Variants in ATG10 observed in about 807,000 individuals in gnomAD.
ATG10 encodes the protein ubiquitin-like-conjugating enzyme ATG10.
A neutral mutation model predicts 32.1 loss-of-function variants in ATG10; 30 were observed. The observed-to-expected ratio is 0.94, with a 90% CI of 0.70 to 1.27. ATG10 has a LOEUF of 1.27. Ranked by LOEUF, ATG10 falls within the 50% of genes most tolerant of loss-of-function variation. ATG10 has a pLI of 0.00. For missense variants in ATG10, 233 were observed against 262.3 expected (o/e 0.89, Z 0.77); for synonymous variants, 87 against 91.5 (o/e 0.95, Z 0.28).
chr5:82,086,352 T>C (rs1362853439), intron 3 of ATG10, among the ~76,000 whole-genome samples: 1 of 152,062 alleles, frequency 6.6e-6, no homozygotes, highest in African/African-American at 2.4e-5. Flanking sequence ...AAAATTACAA[T>C]AAAATTAACA....
chr5:82,197,626 C>A (rs1268042554), intron 5 of ATG10, among the ~76,000 whole-genome samples: 1 of 152,022 alleles, frequency 6.6e-6, no homozygotes, highest in South Asian at 2.1e-4. Flanking sequence ...TCCTCTCAGT[C>A]GTTTTCTTCC....
intron 3 of ATG10, among the ~76,000 whole-genome samples, chr5:82,161,938 A>G (rs1743366042): frequency 6.6e-6 from 1 of 152,178 alleles, no homozygotes; most frequent in African/African-American, 2.4e-5. Context: ...AAGCCTTCTG[A>G]TGAAGACATG....
intron 1 of ATG10, among the ~76,000 whole-genome samples, chr5:81,982,362 A>T (rs1761072810): frequency 6.6e-6 from 1 of 152,164 alleles, no homozygotes; most frequent in African/African-American, 2.4e-5. Flanking sequence ...GCTACTTGGG[A>T]TGCTGAGTCA....
At chr5:82,070,122 A>G (rs1200822688) in intron 3 of ATG10, among the ~76,000 whole-genome samples, 2 of 152,202 alleles carry the variant, frequency 1.3e-5, no homozygotes, top group East Asian at 3.8e-4. Context: ...TCTCAGCTAC[A>G]GTTCAGAATG....
intron 3 of ATG10, among the ~76,000 whole-genome samples, chr5:82,139,764 C>G (rs1362699578): frequency 8.1e-6 from 1 of 123,572 alleles, no homozygotes; most frequent in African/African-American, 3.2e-5. Context: ...AGGCGAGGGG[C>G]GCCTCTGCCC....
intron 5 of ATG10, among the ~76,000 whole-genome samples, chr5:82,210,910 A>G (rs1745469097): frequency 6.6e-6 from 1 of 152,178 alleles, no homozygotes; most frequent in Non-Finnish European, 1.5e-5. Context: ...GAGAGTTAAT[A>G]TAGTTTCTAT....
intron 5 of ATG10, among the ~76,000 whole-genome samples, chr5:82,209,342 A>G (rs183289283): frequency 3.2e-4 from 48 of 152,232 alleles, no homozygotes; most frequent in African/African-American, 9.1e-4. Context: ...TGCATCCCCA[A>G]TGTAATGGTA....
At chr5:82,042,764 A>T (rs1437215434) in intron 2 of ATG10, among the ~76,000 whole-genome samples, 1 of 152,134 alleles carries the variant, frequency 6.6e-6, no homozygotes, top group Non-Finnish European at 1.5e-5. Flanking sequence ...GCTCCAAAAT[A>T]ATCTCCTTTG....
At position 82,124,154 on chromosome 5, in the gene ATG10, C is replaced by A. The variant is rs139066623; in HGVS notation, c.217-40245C>A. 3.1e-4 allele frequency among the ~76,000 whole-genome samples: 47 copies of A among 149,626 alleles called. 1 individual carries two copies. In the East Asian group the frequency reaches 8.6e-3, roughly 27 times the overall value. On this transcript the variant is annotated intron_variant, in intron 3 of 7. Transcript: ENST00000282185. ...GTGGTGCGATCTTGGCTGACACTTG[C>A]CACCACGCCCGGCTAATTTTTTGTA...
intron 5 of ATG10, among the ~76,000 whole-genome samples, chr5:82,237,076 A>G (rs1272571911): frequency 6.6e-6 from 1 of 152,058 alleles, no homozygotes; most frequent in Non-Finnish European, 1.5e-5. Context: ...GACTACTTTC[A>G]GAAAATTATT....
intron 2 of ATG10, among the ~76,000 whole-genome samples, chr5:82,049,353 A>T (rs1225099280): frequency 2.9e-5 from 4 of 140,192 alleles, no homozygotes; most frequent in Admixed American, 7.9e-5. Context: ...AACAATGAGA[A>T]CACATGGACA....
chr5:82,016,255 A>T (rs1370651275), intron 2 of ATG10, among the ~76,000 whole-genome samples: 1 of 152,140 alleles, frequency 6.6e-6, no homozygotes, highest in African/African-American at 2.4e-5. Flanking sequence ...TGATTTTTGT[A>T]TAAGGTGAGA....
intron 2 of ATG10, among the ~76,000 whole-genome samples, chr5:82,054,833 G>T (rs544349415): frequency 6.6e-5 from 10 of 152,284 alleles, no homozygotes; most frequent in African/African-American, 1.9e-4. Flanking sequence ...CTGAGCTTAT[G>T]ATCTAGTGGG....
intron 5 of ATG10, among the ~76,000 whole-genome samples, chr5:82,199,549 T>C (rs995145094): frequency 1.3e-5 from 2 of 152,202 alleles, no homozygotes; most frequent in Non-Finnish European, 2.9e-5. Flanking sequence ...TTACCTGATA[T>C]CAATATAAGC....
chr5:82,092,899 G>C (rs910428171), intron 3 of ATG10, among the ~76,000 whole-genome samples: 1 of 152,066 alleles, frequency 6.6e-6, no homozygotes, highest in Admixed American at 6.6e-5. Flanking sequence ...ATATCCAAAT[G>C]TTCTACCTGA....
chr5:82,063,200 T>C (rs1390044020), intron 3 of ATG10, among the ~76,000 whole-genome samples: 1 of 152,064 alleles, frequency 6.6e-6, no homozygotes, highest in African/African-American at 2.4e-5. Flanking sequence ...GCACCTGTAG[T>C]CCTAGCTACT....
chr5:82,193,323 A>G (rs1262389422), intron 5 of ATG10, among the ~76,000 whole-genome samples: 1 of 152,224 alleles, frequency 6.6e-6, no homozygotes, highest in Non-Finnish European at 1.5e-5. Context: ...ATACATGTCT[A>G]AGTAGCTTCC....
At chr5:82,225,549 C>T (rs1746093324) in intron 5 of ATG10, among the ~76,000 whole-genome samples, 1 of 152,132 alleles carries the variant, frequency 6.6e-6, no homozygotes, top group South Asian at 2.1e-4. Flanking sequence ...GTAGGCAAGC[C>T]ACGAATGGTC....
chr5:82,234,453 T>C (rs1746483606), intron 5 of ATG10, among the ~76,000 whole-genome samples: 1 of 152,148 alleles, frequency 6.6e-6, no homozygotes, highest in African/African-American at 2.4e-5. Flanking sequence ...CCTAGATTCG[T>C]ACCTTGAACC....
Sources: gnomAD v4.1 joint callset for allele counts (sites outside exome capture counted in the v4.1 genomes callset) on GRCh38, gnomAD v4.1.1 for gene constraint, MANE v1.5 for transcripts, NCBI Gene and HGNC (gene_info 2026-07-23, HGNC 2026-07-21) for gene names.